The following DLGAP1 variants were observed in gnomAD, a reference collection of about 807,000 sequenced individuals.
DLGAP1 encodes DLG associated protein 1, also known as disks large-associated protein 1.
In DLGAP1, 11 loss-of-function variants were observed where a neutral mutation model predicts 90.8. The ratio of observed to expected loss-of-function variants is 0.12; its 90% CI spans 0.08 to 0.20. The LOEUF is 0.20. Among genes scored for constraint, DLGAP1 ranks in the 10% least tolerant of loss-of-function variants. The probability of loss-of-function intolerance (pLI) is 1.00; values close to 1 mark genes in which losing one functional copy is unlikely to be tolerated. For synonymous variants in DLGAP1, 558 were observed against 540.7 expected (o/e 1.03, Z -0.44); for missense variants, 1,050 against 1,333.8 (o/e 0.79, Z 3.31).
intron 3 of DLGAP1, among the ~76,000 whole-genome samples, chr18:3,914,001 A>G (rs1460169817): frequency 6.6e-6 from 1 of 152,148 alleles, no homozygotes; most frequent in African/African-American, 2.4e-5. Flanking sequence ...AGCTCTTCCA[A>G]TTGTCACTAT....
intron 3 of DLGAP1, among the ~76,000 whole-genome samples, chr18:3,973,212 G>T (rs2073491271): frequency 6.7e-6 from 1 of 149,162 alleles, no homozygotes; most frequent in South Asian, 2.1e-4. Context: ...AACTAAGATG[G>T]TCCTACCTTC....
At chr18:4,249,737 G>T (rs2078739270) in intron 1 of DLGAP1, among the ~76,000 whole-genome samples, 1 of 152,080 alleles carries the variant, frequency 6.6e-6, no homozygotes, top group East Asian at 1.9e-4. Flanking sequence ...ATAGGCATGT[G>T]TTACCATTAC....
intron 7 of DLGAP1, among the ~76,000 whole-genome samples, chr18:3,626,436 A>G (rs1168207018): frequency 6.6e-6 from 1 of 151,988 alleles, no homozygotes; most frequent in Non-Finnish European, 1.5e-5. Context: ...TCTACAAAAA[A>G]TACAAAAATT....
chr18:3,850,127 G>A (rs974911537), intron 4 of DLGAP1, among the ~76,000 whole-genome samples: 1 of 151,966 alleles, frequency 6.6e-6, no homozygotes, highest in African/African-American at 2.4e-5. Context: ...AGCACTTTGG[G>A]AGGCTGAGGT....
chr18:4,398,587 G>A (rs190625737), intron 1 of DLGAP1, among the ~76,000 whole-genome samples: 13 of 152,242 alleles, frequency 8.5e-5, no homozygotes, highest in Non-Finnish European at 1.5e-4. Context: ...AGATGATTGC[G>A]GGGGATGGAC....
intron 3 of DLGAP1, among the ~76,000 whole-genome samples, chr18:3,902,709 A>AT (rs1391197558): frequency 6.6e-6 from 1 of 152,208 alleles, no homozygotes. Flanking sequence ...TAAAACTAAA[A>AT]GACATTTTAG....
chr18:3,934,746 A>G (rs58157312), intron 3 of DLGAP1, among the ~76,000 whole-genome samples: 71 of 152,380 alleles, frequency 4.7e-4, no homozygotes, highest in African/African-American at 1.7e-3. Context: ...AACGAGGCAT[A>G]GCCAGGGCTG....
intron 1 of DLGAP1, among the ~76,000 whole-genome samples, chr18:4,428,254 G>C (rs148326589): frequency 6.6e-5 from 10 of 152,238 alleles, no homozygotes; most frequent in African/African-American, 2.4e-4. Context: ...TTGTCATCAA[G>C]ATAATGCATT....
At chr18:4,394,550 G>C (rs1476254426) in intron 1 of DLGAP1, among the ~76,000 whole-genome samples, 1 of 152,140 alleles carries the variant, frequency 6.6e-6, no homozygotes, top group African/African-American at 2.4e-5. Context: ...CCCCAAAATA[G>C]AATGCCTCTA....
chr18:4,152,177 C>T (rs1409763559), intron 1 of DLGAP1, among the ~76,000 whole-genome samples: 9 of 152,100 alleles, frequency 5.9e-5, no homozygotes, highest in African/African-American at 2.2e-4. Context: ...AGTGTAAATA[C>T]CTGTAAAGGT....
At chr18:3,597,391 TG>T in intron 7 of DLGAP1, 1 of 377,028 alleles carries the variant, frequency 2.7e-6, no homozygotes, top group Non-Finnish European at 5.1e-6. Flanking sequence ...TCTGAGACTG[TG>T]GGGTAGCTGG....
intron 1 of DLGAP1, among the ~76,000 whole-genome samples, chr18:4,196,737 T>C (rs900088571): frequency 1.3e-5 from 2 of 152,234 alleles, no homozygotes; most frequent in Non-Finnish European, 2.9e-5. Flanking sequence ...CTTTGTTATG[T>C]GTATACATTT....
chr18:3,869,663 G>A (rs1302939804), intron 4 of DLGAP1, among the ~76,000 whole-genome samples: 2 of 152,210 alleles, frequency 1.3e-5, no homozygotes, highest in Non-Finnish European at 2.9e-5. Flanking sequence ...CCCACACTGT[G>A]ATTAAGACCT....
chr18:3,807,371 GT>G lies in DLGAP1; in HGVS notation c.1172+6687del, dbSNP rs1198152678. On this transcript the variant is annotated intron_variant, in intron 5 of 12. Coordinates refer to ENST00000315677, the MANE Select transcript of DLGAP1 (RefSeq NM_004746.4). Reference sequence around the variant, plus strand: ...TCCGTCCAGCTTTTTATCTTTTCTGGTTTCAACACCTGGGCTCAAATCTTAG... The same window carrying G: ...TCCGTCCAGCTTTTTATCTTTTCTGGTTCAACACCTGGGCTCAAATCTTAG... 4.6e-5 allele frequency among the ~76,000 whole-genome samples: 7 copies of G among 152,098 alleles called. 1 individual carries two copies. The highest frequency in any genetic ancestry group is 3.4e-3 in the Middle Eastern group (1 of 294).
intron 1 of DLGAP1, among the ~76,000 whole-genome samples, chr18:4,406,573 C>T (rs929081099): frequency 6.6e-6 from 1 of 152,152 alleles, no homozygotes; most frequent in Non-Finnish European, 1.5e-5. Context: ...TCCAAGGTCA[C>T]ACTGCTAGGA....
chr18:4,358,948 C>T (rs962032814), intron 1 of DLGAP1, among the ~76,000 whole-genome samples: 1 of 152,224 alleles, frequency 6.6e-6, no homozygotes, highest in Non-Finnish European at 1.5e-5. Flanking sequence ...GTGTTTAACT[C>T]TTTTGTCTCC....
intron 7 of DLGAP1, chr18:3,656,360 GT>G: frequency 2.2e-6 from 1 of 463,126 alleles, no homozygotes; most frequent in East Asian, 3.5e-5. Context: ...GATCAAACAT[GT>G]TTTTGGATGG....
intron 1 of DLGAP1, among the ~76,000 whole-genome samples, chr18:4,233,278 T>C (rs1449506238): frequency 2.0e-5 from 3 of 152,174 alleles, no homozygotes; most frequent in African/African-American, 4.8e-5. Flanking sequence ...AGTTTGTTAT[T>C]GTGTCTCCTT....
intron 1 of DLGAP1, among the ~76,000 whole-genome samples, chr18:4,288,493 T>G (rs2079761796): frequency 6.6e-6 from 1 of 152,174 alleles, no homozygotes; most frequent in African/African-American, 2.4e-5. Flanking sequence ...CCATGATTGT[T>G]ATCTGAAGGG....
Sources: gnomAD v4.1 joint callset for allele counts (sites outside exome capture counted in the v4.1 genomes callset) on GRCh38, gnomAD v4.1.1 for gene constraint, MANE v1.5 for transcripts, NCBI Gene and HGNC (gene_info 2026-07-23, HGNC 2026-07-21) for gene names.